LAMA2: variants seen among roughly 807,000 people sequenced by gnomAD.
LAMA2 encodes the protein laminin subunit alpha-2.
LAMA2 carries 269 observed loss-of-function variants against 364.8 expected under a neutral mutation model. That is an observed-to-expected ratio of 0.74 (90% CI 0.67 to 0.82). The LOEUF is 0.82. Among genes scored for constraint, LAMA2 ranks in the 40% least tolerant of loss-of-function variants. The pLI, the probability that LAMA2 is intolerant of heterozygous loss-of-function variation, is 0.00. For synonymous variants in LAMA2, 1,379 were observed against 1,370.6 expected (o/e 1.01, Z -0.14); for missense variants, 3,807 against 3,873.2 (o/e 0.98, Z 0.45).
intron 2 of LAMA2, among the ~76,000 whole-genome samples, chr6:129,053,357 G>T (rs185417513): frequency 6.6e-5 from 10 of 152,106 alleles, no homozygotes; most frequent in Non-Finnish European, 1.5e-4. Flanking sequence ...GAGCCACTGC[G>T]CCCGGCCGAC....
intron 34 of LAMA2, among the ~76,000 whole-genome samples, chr6:129,376,749 C>A (rs1354352462): frequency 6.6e-6 from 1 of 152,162 alleles, no homozygotes; most frequent in Non-Finnish European, 1.5e-5. Context: ...CTCGTGAAAG[C>A]CCTCTGTGCC....
At chr6:129,027,575 C>G (rs1467874260) in intron 1 of LAMA2, among the ~76,000 whole-genome samples, 1 of 151,762 alleles carries the variant, frequency 6.6e-6, no homozygotes, top group Non-Finnish European at 1.5e-5. Flanking sequence ...AACAATGATT[C>G]TTTTTAATGG....
chr6:129,438,199 T>C (rs1781929365), intron 41 of LAMA2, among the ~76,000 whole-genome samples: 1 of 151,846 alleles, frequency 6.6e-6, no homozygotes, highest in Non-Finnish European at 1.5e-5. Context: ...AATATTATTA[T>C]ACTGAAGTTG....
At chr6:128,960,643 AGCCACCAC>A (rs1014349039) in intron 1 of LAMA2, among the ~76,000 whole-genome samples, 50 of 152,330 alleles carry the variant, frequency 3.3e-4, no homozygotes, top group African/African-American at 1.1e-3. Context: ...TACAGGCGTG[AGCCACCAC>A]GCCCAGCCGA....
chr6:129,268,653 A>C (rs191640212), intron 16 of LAMA2, among the ~76,000 whole-genome samples: 1 of 152,166 alleles, frequency 6.6e-6, no homozygotes, highest in African/African-American at 2.4e-5. Flanking sequence ...GAGAGAAGGA[A>C]GGGAGAGAAC....
In LAMA2 at chr6:128,963,247, A is replaced by C. The variant is rs142966291; in HGVS notation, c.112+79890A>C. ...TTATTGATACTAAGACCTTGATACT[A>C]AGTTGTTCACAACTGGCCCACATTC... On this transcript the variant is annotated intron_variant, in intron 1 of 64. Transcript: ENST00000421865. Among the ~76,000 whole-genome samples, 1,222 of 152,200 alleles carry C rather than the reference A, an allele frequency of 8.0e-3. 14 individuals carry two copies. Among genetic ancestry groups the C allele is most frequent in the African/African-American group, 0.027 (1,121 of 41,558 alleles).
At position 128,940,201 on chromosome 6, in the gene LAMA2, C is replaced by A. The variant is rs946409635; in HGVS notation, c.112+56844C>A. Among the ~76,000 whole-genome samples, 3 of 152,178 alleles carry A rather than the reference C, an allele frequency of 2.0e-5. No individual in the cohort carries two copies. The East Asian group carries it at 5.8e-4, about 29-fold the overall frequency. ...CTACTACTTCCCTCACCTCCACTTA[C>A]CCTACTGAATTTTCAAACTGCAAGT... On this transcript the variant is annotated intron_variant, in intron 1 of 64. Transcript: ENST00000421865.
At chr6:129,063,617 G>A (rs186095023) in intron 3 of LAMA2, among the ~76,000 whole-genome samples, 1 of 152,164 alleles carries the variant, frequency 6.6e-6, no homozygotes, top group East Asian at 1.9e-4. Flanking sequence ...TCTTAACTAG[G>A]AGTCTTCTCC....
chr6:129,468,055 T>C (rs1783633261), intron 51 of LAMA2, among the ~76,000 whole-genome samples: 2 of 151,840 alleles, frequency 1.3e-5, no homozygotes, highest in Admixed American at 1.3e-4. Flanking sequence ...TTTATAAGTC[T>C]TCTCCTTGGC....
At chr6:129,052,121 T>C (rs1420234257) in intron 2 of LAMA2, among the ~76,000 whole-genome samples, 1 of 150,458 alleles carries the variant, frequency 6.6e-6, no homozygotes, top group East Asian at 2.0e-4. Context: ...AAAATTTGCT[T>C]AGTATTTCTT....
At chr6:129,160,939 G>A (rs946443933) in intron 8 of LAMA2, among the ~76,000 whole-genome samples, 3 of 151,826 alleles carry the variant, frequency 2.0e-5, no homozygotes, top group Admixed American at 6.6e-5. Context: ...TTAACTTATG[G>A]CTCAGTGCAT....
At chr6:129,219,747 T>C (rs1219497157) in intron 12 of LAMA2, among the ~76,000 whole-genome samples, 5 of 135,550 alleles carry the variant, frequency 3.7e-5, no homozygotes, top group Non-Finnish European at 6.3e-5. Context: ...AAACACCACA[T>C]GTTCTCACTC....
At chr6:129,119,560 AT>A (rs1166082656) in intron 4 of LAMA2, among the ~76,000 whole-genome samples, 3 of 151,786 alleles carry the variant, frequency 2.0e-5, no homozygotes, top group Admixed American at 1.3e-4. Context: ...TTATTTATTT[AT>A]TTTTGAGACG....
chr6:129,037,824 C>T (rs771122182), intron 1 of LAMA2, among the ~76,000 whole-genome samples: 2 of 152,064 alleles, frequency 1.3e-5, no homozygotes, highest in African/African-American at 2.4e-5. Flanking sequence ...TGCTTGCCAC[C>T]ACACCTGGCT....
rs146696860 is a variant in LAMA2 at position 129,431,996 on chromosome 6, T to C, written c.5968+4142T>C. The stretch of plus-strand genomic sequence containing the variant: ...ACCAAAGTATGATATAGGAGTGCAA[T>C]TGTGACTAAGGGATCCTTTTATTAT... On this transcript the variant is annotated intron_variant, in intron 41 of 64. Transcript: ENST00000421865. 6.1e-3 allele frequency among the ~76,000 whole-genome samples: 924 copies of C among 152,294 alleles called. 8 individuals carry two copies. Among genetic ancestry groups the C allele is most frequent in the African/African-American group, 0.02 (824 of 41,560 alleles).
In LAMA2 at chr6:129,438,622, C is replaced by T. The variant is rs773469216; in HGVS notation, c.5969-24C>T. On this transcript the variant is annotated intron_variant, in intron 41 of 64. Transcript: ENST00000421865. Reference sequence around the variant, plus strand: ...CAGGGATGATAAAACTTATTTAATCCTTTTTTTTGTTTTTTATTCGCAGAA... The same window carrying T: ...CAGGGATGATAAAACTTATTTAATCTTTTTTTTTGTTTTTTATTCGCAGAA... 3 of 1,182,900 alleles carry T rather than the reference C, an allele frequency of 2.5e-6. No homozygotes were observed. In the South Asian group the frequency reaches 3.7e-5, roughly 14 times the overall value. 73.3% of individuals were successfully genotyped at this position (1,182,900 alleles called of 1,614,324 possible). A position where few individuals can be genotyped will look rare whatever the true frequency, so the allele number is the denominator to read the frequency against.
intron 34 of LAMA2, among the ~76,000 whole-genome samples, chr6:129,379,665 G>A (rs1583612880): frequency 2.0e-5 from 3 of 152,178 alleles, no homozygotes; most frequent in South Asian, 4.1e-4. Context: ...AACTTCGTGT[G>A]TATTCAAAGG....
chr6:129,498,294 A>C (rs1182932975), intron 58 of LAMA2, among the ~76,000 whole-genome samples: 2 of 152,236 alleles, frequency 1.3e-5, no homozygotes, highest in African/African-American at 4.8e-5. Context: ...GAAGGAAAGA[A>C]TAGAGGAAAG....
In LAMA2 at chr6:128,932,905, T is replaced by C. The variant is rs546993509; in HGVS notation, c.112+49548T>C. ...ATTCCAAATAAACAGTACAATATTA[T>C]TAACTATAGTTACTATTCTGTACAT... On this transcript the variant is annotated intron_variant, in intron 1 of 64. Transcript: ENST00000421865. 1.0e-3 allele frequency among the ~76,000 whole-genome samples: 155 copies of C among 152,314 alleles called. No homozygotes were observed. The Middle Eastern group carries it at 0.017, about 17-fold the overall frequency.
Sources: allele counts gnomAD v4.1 joint callset (sites outside exome capture counted in the v4.1 genomes callset), GRCh38; gene constraint gnomAD v4.1.1; transcripts MANE v1.5; gene names NCBI Gene and HGNC (gene_info 2026-07-23, HGNC 2026-07-21).